The following NEGR1 variants were observed in gnomAD, a reference collection of about 807,000 sequenced individuals.
NEGR1 encodes the protein IgLON family member 4.
A neutral mutation model predicts 40.9 loss-of-function variants in NEGR1; 10 were observed. The ratio of observed to expected loss-of-function variants is 0.24; its 90% confidence interval spans 0.15 to 0.42. The LOEUF (loss-of-function observed/expected upper bound fraction) is 0.42, where lower values mean the gene tolerates loss of function less well. Among genes scored for constraint, NEGR1 ranks in the 10% least tolerant of loss-of-function variants. The pLI, the probability that NEGR1 is intolerant of heterozygous loss-of-function variation, is 1.00. For missense variants in NEGR1, 352 were observed against 438.9 expected (o/e 0.80, Z 1.77); for synonymous variants, 185 against 166.8 (o/e 1.11, Z -0.84).
chr1:71,436,872 T>C (rs1398331731), intron 6 of NEGR1, among the ~76,000 whole-genome samples: 7 of 152,208 alleles, frequency 4.6e-5, no homozygotes, highest in Non-Finnish European at 8.8e-5. Context: ...AATACATATA[T>C]AAAGTATGTG....
At chr1:71,500,619 A>T (rs1009161894) in intron 6 of NEGR1, among the ~76,000 whole-genome samples, 3 of 152,102 alleles carry the variant, frequency 2.0e-5, no homozygotes, top group Non-Finnish European at 2.9e-5. Flanking sequence ...TTAAAAAGTT[A>T]TCATTACATT....
chr1:72,021,094 T>C (rs1646752125), intron 1 of NEGR1, among the ~76,000 whole-genome samples: 1 of 152,130 alleles, frequency 6.6e-6, no homozygotes, highest in African/African-American at 2.4e-5. Flanking sequence ...ACATTCTGAC[T>C]ACGAATCCAT....
intron 6 of NEGR1, among the ~76,000 whole-genome samples, chr1:71,479,055 A>G (rs1056804372): frequency 2.0e-5 from 3 of 152,064 alleles, no homozygotes; most frequent in Non-Finnish European, 4.4e-5. Flanking sequence ...CTTAAAATTT[A>G]TACAATGTGC....
intron 6 of NEGR1, among the ~76,000 whole-genome samples, chr1:71,494,892 CT>C (rs1439418791): frequency 2.0e-5 from 3 of 152,118 alleles, no homozygotes; most frequent in African/African-American, 4.8e-5. Context: ...TCTGTCACCC[CT>C]GAGACAGCAA....
At chr1:72,144,357 T>C (rs11209919) in intron 1 of NEGR1, among the ~76,000 whole-genome samples, 1,732 of 152,000 alleles carry the variant, frequency 0.011, 26 homozygotes, top group African/African-American at 0.04. Flanking sequence ...ATCATAATTT[T>C]CCAATGCTAT....
intron 3 of NEGR1, among the ~76,000 whole-genome samples, chr1:71,719,065 G>C (rs1182848431): frequency 6.6e-6 from 1 of 152,138 alleles, no homozygotes; most frequent in Non-Finnish European, 1.5e-5. Flanking sequence ...AGAGTGTTAG[G>C]GAATAAAATT....
chr1:71,943,300 T>G (rs1273934731), intron 1 of NEGR1, among the ~76,000 whole-genome samples: 1 of 150,426 alleles, frequency 6.6e-6, no homozygotes, highest in Non-Finnish European at 1.5e-5. Context: ...ATACACATAT[T>G]TACACATGTG....
chr1:71,730,629 A>G (rs1654830835), intron 3 of NEGR1, among the ~76,000 whole-genome samples: 1 of 147,366 alleles, frequency 6.8e-6, no homozygotes. Flanking sequence ...CATACTCTGC[A>G]AACACATTTT....
At chr1:71,927,936 C>T (rs2101889338) in intron 2 of NEGR1, among the ~76,000 whole-genome samples, 1 of 143,434 alleles carries the variant, frequency 7.0e-6, no homozygotes, top group South Asian at 2.3e-4. Flanking sequence ...GAGGTTGAGG[C>T]TGCAGTAGGC....
chr1:71,452,792 G>T (rs1380314872), intron 6 of NEGR1, among the ~76,000 whole-genome samples: 2 of 115,842 alleles, frequency 1.7e-5, no homozygotes, highest in Admixed American at 1.1e-4. Flanking sequence ...TACAGTAATT[G>T]CAAACAAAGA....
intron 2 of NEGR1, among the ~76,000 whole-genome samples, chr1:71,873,321 T>G (rs982484724): frequency 6.6e-6 from 1 of 151,930 alleles, no homozygotes; most frequent in Admixed American, 6.6e-5. Context: ...AAGGCTTGTT[T>G]TGCAGTGTGA....
intron 1 of NEGR1, among the ~76,000 whole-genome samples, chr1:72,260,138 T>C (rs1286724968): frequency 6.6e-6 from 1 of 152,190 alleles, no homozygotes; most frequent in South Asian, 2.1e-4. Context: ...TTTTGAACCA[T>C]GGCTTTGAGA....
intron 6 of NEGR1, among the ~76,000 whole-genome samples, chr1:71,491,561 C>T (rs887712797): frequency 6.9e-6 from 1 of 144,668 alleles, no homozygotes; most frequent in Non-Finnish European, 1.5e-5. Context: ...CCTCCAATGA[C>T]CACCTCAGGG....
At chr1:72,072,225 C>T (rs1460331996) in intron 1 of NEGR1, among the ~76,000 whole-genome samples, 1 of 152,048 alleles carries the variant, frequency 6.6e-6, no homozygotes, top group Non-Finnish European at 1.5e-5. Context: ...GTACATTCCT[C>T]AAGTATACCT....
intron 1 of NEGR1, among the ~76,000 whole-genome samples, chr1:71,973,189 G>T (rs953187585): frequency 6.6e-6 from 1 of 151,978 alleles, no homozygotes; most frequent in African/African-American, 2.4e-5. Flanking sequence ...GGTGGCGGGC[G>T]CCTGTAGTCC....
At chr1:71,974,046 AAGT>A (rs1646280878) in intron 1 of NEGR1, among the ~76,000 whole-genome samples, 2 of 152,192 alleles carry the variant, frequency 1.3e-5, no homozygotes, top group South Asian at 4.1e-4. Context: ...TCAGTCAAGG[AAGT>A]AGATTACTTA....
At chr1:71,611,784 T>C (rs888333668) in intron 4 of NEGR1, among the ~76,000 whole-genome samples, 1 of 152,206 alleles carries the variant, frequency 6.6e-6, no homozygotes, top group African/African-American at 2.4e-5. Flanking sequence ...CGAATGCCGT[T>C]GTTCCCCATT....
At chr1:72,172,370 C>T (rs535236220) in intron 1 of NEGR1, among the ~76,000 whole-genome samples, 2 of 152,118 alleles carry the variant, frequency 1.3e-5, no homozygotes, top group East Asian at 3.9e-4. Context: ...CATGACCATA[C>T]CAACATGCAA....
At chr1:71,611,174 T>C (rs761387776) in intron 4 of NEGR1, 28 bp from the exon 5 acceptor site, 4 of 1,596,592 alleles carry the variant, frequency 2.5e-6, no homozygotes, top group Non-Finnish European at 3.4e-6. Context: ...AAACAAATAC[T>C]AGTAGATAAG....
Sources: gnomAD v4.1 joint callset for allele counts (sites outside exome capture counted in the v4.1 genomes callset) on GRCh38, gnomAD v4.1.1 for gene constraint, MANE v1.5 for transcripts, NCBI Gene and HGNC (gene_info 2026-07-23, HGNC 2026-07-21) for gene names.